Variants in MOXD1 observed in about 807,000 individuals in gnomAD.
The protein encoded by MOXD1 is DBH-like monooxygenase protein 1.
MOXD1 carries 62 observed loss-of-function variants against 66.6 expected under a neutral mutation model. That is an observed-to-expected ratio of 0.93 (90% CI 0.76 to 1.15). The LOEUF is 1.15. Among genes scored for constraint, MOXD1 ranks in the 50% most tolerant of loss-of-function variants. The pLI is 0.00. For synonymous variants in MOXD1, 303 were observed against 281.9 expected, an observed-to-expected ratio of 1.07 and a Z score of -0.75; for missense variants, 847 against 754.6, an observed-to-expected ratio of 1.12 and a Z score of -1.44.
rs1451210836 is a variant in MOXD1 at position 132,401,095 on chromosome 6, T to G, written c.264+68A>C. Reference sequence around the variant, plus strand: ...GCGGGCCCCGGGGACGACCCGCACCTGCGCCCTCTCTGGGGTCCGGACGGG... The same window carrying G: ...GCGGGCCCCGGGGACGACCCGCACCGGCGCCCTCTCTGGGGTCCGGACGGG... On this transcript the variant is annotated intron_variant, in intron 1 of 11. Transcript: ENST00000367963. The G allele has an allele frequency of 2.1e-6, 3 of 1,402,048 alleles. No homozygotes were observed. In the African/African-American group the frequency reaches 4.5e-5, roughly 21 times the overall value. 86.9% of individuals were successfully genotyped at this position (1,402,048 alleles called of 1,614,324 possible).
chr6:132,324,524 T>C (rs563670310), intron 6 of MOXD1, among the ~76,000 whole-genome samples: 1 of 152,370 alleles, frequency 6.6e-6, no homozygotes, highest in South Asian at 2.1e-4. Flanking sequence ...TAAAACCTCC[T>C]TAGTTTAGAA....
At chr6:132,310,163 A>G (rs1015894237) in intron 10 of MOXD1, among the ~76,000 whole-genome samples, 1 of 152,222 alleles carries the variant, frequency 6.6e-6, no homozygotes, top group Non-Finnish European at 1.5e-5. Flanking sequence ...CAAGAAAAAA[A>G]CAATCCCATT....
intron 7 of MOXD1, among the ~76,000 whole-genome samples, chr6:132,323,690 C>CA (rs1304142187): frequency 6.6e-5 from 10 of 151,824 alleles, no homozygotes; most frequent in African/African-American, 2.4e-4. Flanking sequence ...ATGCAACAAA[C>CA]AAAAAAGGTA....
At chr6:132,353,035 C>T (rs372298047) in intron 4 of MOXD1, among the ~76,000 whole-genome samples, 9 of 152,196 alleles carry the variant, frequency 5.9e-5, no homozygotes, top group African/African-American at 9.6e-5. Flanking sequence ...TGAGTCCTTA[C>T]GTGTTAGGTG....
chr6:132,297,953 G>A lies in MOXD1; in HGVS notation c.1511C>T (p.Thr504Ile). The A allele has an allele frequency of 6.2e-7, 1 of 1,603,766 alleles. No individual in the cohort carries two copies. Among genetic ancestry groups the A allele is most frequent in the Non-Finnish European group, 8.5e-7 (1 of 1,176,868 alleles). Residue 504 changes from threonine to isoleucine, a missense_variant and splice_region_variant, in exon 11 of 12, where the codon ACC becomes ATC. Thr to Ile is a moderately conservative substitution (Grantham distance 89). Coordinates refer to ENST00000367963, the MANE Select transcript of MOXD1 (RefSeq NM_015529.4). ...GVKEIYRPVT[T>I]WPFIIKSPKQ... ...GGGACTTTTGATAATGAAAGGCCAG[G>A]TCCTGAATTTAAAAGACACAGTTAG...
intron 4 of MOXD1, among the ~76,000 whole-genome samples, chr6:132,365,366 G>A (rs1284429861): frequency 6.6e-6 from 1 of 152,110 alleles, no homozygotes; most frequent in Non-Finnish European, 1.5e-5. Flanking sequence ...GGCGTACTCA[G>A]TATTTTCACC....
At chr6:132,336,231 C>G (rs993248149) in intron 4 of MOXD1, among the ~76,000 whole-genome samples, 2 of 152,202 alleles carry the variant, frequency 1.3e-5, no homozygotes, top group Non-Finnish European at 2.9e-5. Flanking sequence ...CATCACTTTT[C>G]TTCCTGCCTG....
At chr6:132,297,350 C>T in intron 11 of MOXD1, 33 bp from the exon 12 acceptor site, 5 of 1,605,728 alleles carry the variant, frequency 3.1e-6, no homozygotes, top group Non-Finnish European at 4.3e-6. Context: ...TGCAAATGAA[C>T]ATCTGATTTA....
intron 1 of MOXD1, among the ~76,000 whole-genome samples, chr6:132,385,690 G>T (rs1776615934): frequency 6.6e-6 from 1 of 151,834 alleles, no homozygotes; most frequent in Non-Finnish European, 1.5e-5. Flanking sequence ...CACCATGTTG[G>T]CCAGGCTGGT....
chr6:132,321,395 A>C (rs1172728218), intron 8 of MOXD1, among the ~76,000 whole-genome samples: 1 of 152,174 alleles, frequency 6.6e-6, no homozygotes, highest in African/African-American at 2.4e-5. Flanking sequence ...TCACCTCTTC[A>C]TTTACATTAT....
chr6:132,385,418 A>G (rs2114683289), intron 1 of MOXD1, among the ~76,000 whole-genome samples: 1 of 151,540 alleles, frequency 6.6e-6, no homozygotes, highest in Non-Finnish European at 1.5e-5. Context: ...TTCAGATTTC[A>G]AAACTTATAC....
chr6:132,322,732 C>CA lies in MOXD1; in HGVS notation c.1251dup (p.Asp418Ter), dbSNP rs755632240. 13 of 1,613,900 alleles carry CA rather than the reference C, an allele frequency of 8.1e-6. No individual in the cohort carries two copies. In the Admixed American group the frequency reaches 1.5e-4, roughly 19 times the overall value. On this transcript the variant is annotated frameshift_variant, in exon 8 of 12. Coordinates refer to ENST00000367963, the MANE Select transcript of MOXD1 (RefSeq NM_015529.4). LOFTEE classifies it high-confidence loss of function. ...TACTGAAACTCCTGGAAATTGAAGT[C>CA]AAAATCATCATCATAGGCAAGTAAT...
intron 4 of MOXD1, among the ~76,000 whole-genome samples, chr6:132,340,381 C>G (rs548418904): frequency 6.6e-6 from 1 of 151,246 alleles, no homozygotes; most frequent in African/African-American, 2.4e-5. Context: ...CTACTCAAAT[C>G]TGGATTAACC....
chr6:132,305,147 C>G (rs1177574518), intron 10 of MOXD1, among the ~76,000 whole-genome samples: 3 of 152,246 alleles, frequency 2.0e-5, no homozygotes, highest in African/African-American at 7.2e-5. Flanking sequence ...GCATCCATCT[C>G]TATAGCTCCA....
intron 4 of MOXD1, among the ~76,000 whole-genome samples, chr6:132,353,355 A>T (rs1775842094): frequency 6.6e-6 from 1 of 152,138 alleles, no homozygotes; most frequent in Non-Finnish European, 1.5e-5. Flanking sequence ...GTGCTTCCTT[A>T]ATAGTGGCGA....
intron 4 of MOXD1, among the ~76,000 whole-genome samples, chr6:132,357,861 T>C (rs571396115): frequency 6.6e-6 from 1 of 152,282 alleles, no homozygotes; most frequent in East Asian, 1.9e-4. Context: ...TCAATTTCAA[T>C]TAATTAACTG....
At chr6:132,343,429 G>T (rs1775604573) in intron 4 of MOXD1, among the ~76,000 whole-genome samples, 1 of 152,092 alleles carries the variant, frequency 6.6e-6, no homozygotes, top group African/African-American at 2.4e-5. Flanking sequence ...ACAAAAATTA[G>T]CTGGGCATGG....
chr6:132,377,466 C>A (rs974636439), intron 1 of MOXD1, among the ~76,000 whole-genome samples: 4 of 152,168 alleles, frequency 2.6e-5, no homozygotes, highest in Non-Finnish European at 5.9e-5. Context: ...ACCATTATTT[C>A]CACAAAATAT....
At chr6:132,320,734 C>T (rs1255833621) in intron 8 of MOXD1, 46 bp from the exon 9 acceptor site, 5 of 1,475,104 alleles carry the variant, frequency 3.4e-6, no homozygotes, top group Non-Finnish European at 2.8e-6. Context: ...TTTATGCTGG[C>T]TTATTTATCA....
Sources: allele counts gnomAD v4.1 joint callset (sites outside exome capture counted in the v4.1 genomes callset), GRCh38; gene constraint gnomAD v4.1.1; transcripts MANE v1.5; gene names NCBI Gene and HGNC (gene_info 2026-07-23, HGNC 2026-07-21).